The following GLYATL2 variants were observed in gnomAD, a reference collection of about 807,000 sequenced individuals.
The protein encoded by GLYATL2 is glycine-N-acyltransferase like 2.
GLYATL2 carries 25 observed loss-of-function variants against 21.4 expected under a neutral mutation model. The ratio of observed to expected loss-of-function variants is 1.17; its 90% confidence interval spans 0.85 to 1.63. The LOEUF is 1.63. GLYATL2 is among the 40% of genes most tolerant of loss of function. The pLI, the probability that GLYATL2 is intolerant of heterozygous loss-of-function variation, is 0.00. For missense variants in GLYATL2, 361 were observed against 343.3 expected (o/e 1.05, Z -0.41); for synonymous variants, 114 against 118.2 (o/e 0.96, Z 0.23).
At chr11:58,838,633 T>C (rs1853486836) in intron 2 of GLYATL2, among the ~76,000 whole-genome samples, 1 of 152,132 alleles carries the variant, frequency 6.6e-6, no homozygotes, top group Non-Finnish European at 1.5e-5. Context: ...TTCTAAAAAA[T>C]TCATGCCATT....
At chr11:58,858,334 C>T (rs1355367705) in intron 1 of GLYATL2, among the ~76,000 whole-genome samples, 8 of 152,176 alleles carry the variant, frequency 5.3e-5, no homozygotes, top group Admixed American at 3.3e-4. Context: ...TCACTCCATT[C>T]CCAATGGTCT....
intron 1 of GLYATL2, among the ~76,000 whole-genome samples, chr11:58,882,578 T>A (rs980295240): frequency 1.3e-5 from 2 of 152,220 alleles, no homozygotes; most frequent in Non-Finnish European, 2.9e-5. Flanking sequence ...AGAAGCTCTT[T>A]AGTTTAATAA....
chr11:58,870,104 T>TA (rs796454122), intron 1 of GLYATL2, among the ~76,000 whole-genome samples: 64 of 146,606 alleles, frequency 4.4e-4, no homozygotes, highest in Non-Finnish European at 5.9e-4. Flanking sequence ...GGAGACCCTG[T>TA]AAAAAAAAAA....
At chr11:58,843,319 T>G (rs1213799185) in intron 1 of GLYATL2, among the ~76,000 whole-genome samples, 1 of 152,174 alleles carries the variant, frequency 6.6e-6, no homozygotes, top group Non-Finnish European at 1.5e-5. Flanking sequence ...TAGGATTTTA[T>G]GGGAAACAGT....
chr11:58,845,924 C>A (rs1233825223), upstream of GLYATL2, among the ~76,000 whole-genome samples: 1 of 152,182 alleles, frequency 6.6e-6, no homozygotes, highest in Non-Finnish European at 1.5e-5. Context: ...ATACTATCTA[C>A]ACATTCTTGC....
chr11:58,881,703 C>A (rs1207836366), intron 1 of GLYATL2, among the ~76,000 whole-genome samples: 1 of 152,132 alleles, frequency 6.6e-6, no homozygotes, highest in African/African-American at 2.4e-5. Flanking sequence ...TCATCATTTA[C>A]AATAGTTATT....
At chr11:58,891,322 A>T (rs1029404292) in intron 1 of GLYATL2, among the ~76,000 whole-genome samples, 1 of 152,206 alleles carries the variant, frequency 6.6e-6, no homozygotes, top group Non-Finnish European at 1.5e-5. Context: ...CCAGAATGGG[A>T]TCACAAGTCT....
At chr11:58,898,421 A>C (rs1381745050) in intron 1 of GLYATL2, among the ~76,000 whole-genome samples, 2 of 150,980 alleles carry the variant, frequency 1.3e-5, no homozygotes, top group East Asian at 3.9e-4. Context: ...AACATTGTCC[A>C]TTTAGAGTTA....
chr11:58,835,507 T>C (rs1853413551), intron 5 of GLYATL2, among the ~76,000 whole-genome samples: 1 of 152,200 alleles, frequency 6.6e-6, no homozygotes, highest in African/African-American at 2.4e-5. Context: ...AGTAATATCA[T>C]CTGTAAATAT....
intron 1 of GLYATL2, chr11:58,878,236 G>T: frequency 3.1e-6 from 1 of 323,740 alleles, no homozygotes; most frequent in Non-Finnish European, 5.9e-6. Flanking sequence ...ATTTAATTCA[G>T]CTGAAGTTTT....
upstream of GLYATL2, among the ~76,000 whole-genome samples, chr11:58,847,736 T>A (rs192973357): frequency 2.1e-4 from 32 of 152,322 alleles, no homozygotes; most frequent in South Asian, 1.5e-3. Context: ...ACAGCACATC[T>A]GTATCTCAGG....
At chr11:58,897,793 C>T (rs919760769) in intron 1 of GLYATL2, among the ~76,000 whole-genome samples, 5 of 152,164 alleles carry the variant, frequency 3.3e-5, no homozygotes, top group Non-Finnish European at 7.3e-5. Flanking sequence ...CTTCTTATTA[C>T]AGTTACAAAC....
At chr11:58,854,711 G>A (rs936611755) in intron 1 of GLYATL2, among the ~76,000 whole-genome samples, 16 of 140,702 alleles carry the variant, frequency 1.1e-4, no homozygotes, top group Non-Finnish European at 2.1e-4. Flanking sequence ...CTATTTGGTA[G>A]CATTTTACCC....
At chr11:58,865,508 C>A (rs1854008180) in intron 1 of GLYATL2, among the ~76,000 whole-genome samples, 1 of 149,078 alleles carries the variant, frequency 6.7e-6, no homozygotes, top group Admixed American at 6.9e-5. Context: ...CAGTATTTAT[C>A]ACAAAATGGA....
intron 1 of GLYATL2, among the ~76,000 whole-genome samples, chr11:58,856,600 A>G (rs1409427058): frequency 1.3e-5 from 2 of 152,052 alleles, no homozygotes; most frequent in African/African-American, 4.8e-5. Flanking sequence ...TGTATGGTTT[A>G]TAACTGGCGT....
intron 1 of GLYATL2, among the ~76,000 whole-genome samples, chr11:58,842,188 G>A (rs1382893578): frequency 5.9e-5 from 9 of 152,058 alleles, no homozygotes; most frequent in South Asian, 2.1e-4. Flanking sequence ...TCATGTAATC[G>A]TCAATGATAA....
intron 1 of GLYATL2, chr11:58,893,217 C>A: frequency 3.3e-6 from 1 of 301,552 alleles, no homozygotes; most frequent in Non-Finnish European, 6.6e-6. Flanking sequence ...CATGGATAAC[C>A]ATGGACTCTT....
chr11:58,881,167 T>A (rs769766234), intron 1 of GLYATL2, among the ~76,000 whole-genome samples: 1 of 152,364 alleles, frequency 6.6e-6, no homozygotes, highest in South Asian at 2.1e-4. Context: ...ATGCCAGGTA[T>A]GCATTTCATA....
chr11:58,892,638 T>C (rs1854564155), intron 1 of GLYATL2: 1 of 314,018 alleles, frequency 3.2e-6, no homozygotes, highest in Middle Eastern at 4.2e-4. Flanking sequence ...TCTGACAATA[T>C]TGCTTTCTTG....
Sources: allele counts gnomAD v4.1 joint callset (sites outside exome capture counted in the v4.1 genomes callset), GRCh38; gene constraint gnomAD v4.1.1; transcripts MANE v1.5; gene names NCBI Gene and HGNC (gene_info 2026-07-23, HGNC 2026-07-21).